The following ZBTB20 variants were observed in gnomAD, a reference collection of about 807,000 sequenced individuals.
ZBTB20 encodes zinc finger and BTB domain containing 20.
ZBTB20 carries 9 observed loss-of-function variants against 56.9 expected under a neutral mutation model. The observed-to-expected ratio is 0.16, with a 90% CI of 0.10 to 0.28. The LOEUF (loss-of-function observed/expected upper bound fraction) is 0.28. Among genes scored for constraint, ZBTB20 ranks in the 10% least tolerant of loss-of-function variants. ZBTB20 has a pLI of 1.00. For missense variants in ZBTB20, 655 were observed against 1,003.0 expected (o/e 0.65, Z 4.69); for synonymous variants, 417 against 420.7 (o/e 0.99, Z 0.11).
chr3:114,832,723 A>C (rs531965691), intron 4 of ZBTB20, among the ~76,000 whole-genome samples: 1 of 152,262 alleles, frequency 6.6e-6, no homozygotes, highest in South Asian at 2.1e-4. Flanking sequence ...TGATATTTCA[A>C]ATCTTAGATA....
rs200912033 is a variant in ZBTB20 at position 114,566,004 on chromosome 3, C to CT, written c.-294-65614dup. Reference sequence around the variant, plus strand: ...ATTACCAACAATACATACATTTTTTCTTTTTTTTTCTTTTTTTAAAAGAAA... The same window carrying CT: ...ATTACCAACAATACATACATTTTTTCTTTTTTTTTTCTTTTTTTAAAAGAAA... On this transcript the variant is annotated intron_variant, in intron 6 of 11. Coordinates refer to ENST00000675478, the MANE Select transcript of ZBTB20 (RefSeq NM_001348800.3). 4.6e-3 allele frequency among the ~76,000 whole-genome samples: 654 copies of CT among 143,204 alleles called. 1 individual carries two copies. The highest frequency in any genetic ancestry group is 0.014 in the African/African-American group (503 of 36,774). 93.9% of individuals were successfully genotyped at this position (143,204 alleles called of 152,430 possible). A position where few individuals can be genotyped will look rare whatever the true frequency, so the allele number is the denominator to read the frequency against.
intron 7 of ZBTB20, among the ~76,000 whole-genome samples, chr3:114,406,725 G>A (rs1559747966): frequency 2.0e-5 from 3 of 151,970 alleles, no homozygotes; most frequent in Non-Finnish European, 4.4e-5. Flanking sequence ...GGCTAGACAG[G>A]TTTGTAGAGT....
intron 4 of ZBTB20, among the ~76,000 whole-genome samples, chr3:114,866,720 T>C (rs1305945627): frequency 6.6e-6 from 1 of 152,162 alleles, no homozygotes; most frequent in East Asian, 1.9e-4. Context: ...CATTCCTTTT[T>C]TTTTCCTGTC....
intron 6 of ZBTB20, among the ~76,000 whole-genome samples, chr3:114,540,348 G>T (rs2048974566): frequency 6.6e-6 from 1 of 152,034 alleles, no homozygotes; most frequent in African/African-American, 2.4e-5. Context: ...TGAGAGGAAG[G>T]CATTACATCC....
At chr3:114,948,447 T>C (rs2076957331) in intron 3 of ZBTB20, among the ~76,000 whole-genome samples, 1 of 146,124 alleles carries the variant, frequency 6.8e-6, no homozygotes, top group Non-Finnish European at 1.5e-5. Context: ...CACTTATAAA[T>C]TAAAGTTATA....
chr3:114,682,404 T>C (rs1175043384), intron 6 of ZBTB20, among the ~76,000 whole-genome samples: 1 of 151,910 alleles, frequency 6.6e-6, no homozygotes, highest in Non-Finnish European at 1.5e-5. Flanking sequence ...AAAAGAAGAG[T>C]AGTACTCCTT....
At chr3:114,631,344 T>G (rs1273114819) in intron 6 of ZBTB20, among the ~76,000 whole-genome samples, 1 of 150,764 alleles carries the variant, frequency 6.6e-6, no homozygotes, top group Non-Finnish European at 1.5e-5. Context: ...TCTATGACAT[T>G]TTTGTGGAGG....
At chr3:114,559,913 C>T (rs2051786444) in intron 6 of ZBTB20, among the ~76,000 whole-genome samples, 1 of 152,048 alleles carries the variant, frequency 6.6e-6, no homozygotes. Context: ...TTGTAGCATT[C>T]TTAGCTTAAT....
intron 6 of ZBTB20, among the ~76,000 whole-genome samples, chr3:114,558,989 T>G (rs777600935): frequency 2.6e-5 from 4 of 152,174 alleles, no homozygotes; most frequent in African/African-American, 9.6e-5. Context: ...TCTCCTTACA[T>G]GCCATCCGTG....
intron 3 of ZBTB20, among the ~76,000 whole-genome samples, chr3:114,965,421 C>T (rs1289912232): frequency 6.6e-6 from 1 of 152,012 alleles, no homozygotes; most frequent in African/African-American, 2.4e-5. Flanking sequence ...AAATTTTGTA[C>T]CCCTTGACCA....
At chr3:114,931,618 G>A (rs1171955453) in intron 3 of ZBTB20, among the ~76,000 whole-genome samples, 17 of 152,076 alleles carry the variant, frequency 1.1e-4, no homozygotes, top group South Asian at 2.1e-4. Context: ...CATTATCTAC[G>A]AAGCATGGGG....
At chr3:114,953,520 T>G (rs987859760) in intron 3 of ZBTB20, among the ~76,000 whole-genome samples, 2 of 151,972 alleles carry the variant, frequency 1.3e-5, no homozygotes, top group Non-Finnish European at 2.9e-5. Flanking sequence ...AAGAAAAGTG[T>G]ACGTGCTGCA....
At chr3:114,896,791 C>G (rs550645905) in intron 4 of ZBTB20, among the ~76,000 whole-genome samples, 45 of 151,974 alleles carry the variant, frequency 3.0e-4, no homozygotes, top group African/African-American at 1.0e-3. Flanking sequence ...TTCCCAAATA[C>G]AAAAATTTGG....
intron 6 of ZBTB20, among the ~76,000 whole-genome samples, chr3:114,622,383 C>A (rs574071876): frequency 6.6e-6 from 1 of 152,044 alleles, no homozygotes; most frequent in Non-Finnish European, 1.5e-5. Context: ...AGTCCTAACA[C>A]GAGCTAACTA....
intron 2 of ZBTB20, among the ~76,000 whole-genome samples, chr3:114,975,840 C>G (rs2078077087): frequency 6.6e-6 from 1 of 152,218 alleles, no homozygotes; most frequent in African/African-American, 2.4e-5. Context: ...TATTACCTGT[C>G]TCTTCCTCTA....
intron 2 of ZBTB20, among the ~76,000 whole-genome samples, chr3:115,030,410 T>G (rs1216178504): frequency 6.6e-6 from 1 of 151,302 alleles, no homozygotes; most frequent in African/African-American, 2.4e-5. Flanking sequence ...TCTGTTTACA[T>G]GTATTACTCC....
At chr3:114,700,516 C>T (rs188589777) in intron 5 of ZBTB20, among the ~76,000 whole-genome samples, 2 of 152,204 alleles carry the variant, frequency 1.3e-5, no homozygotes, top group Admixed American at 6.6e-5. Flanking sequence ...AGACAGAGAG[C>T]AAAGGCTCAT....
intron 11 of ZBTB20, among the ~76,000 whole-genome samples, chr3:114,349,016 A>G (rs2080418498): frequency 6.6e-6 from 1 of 152,074 alleles, no homozygotes; most frequent in Non-Finnish European, 1.5e-5. Flanking sequence ...CTTAGGCAAC[A>G]TGGTAAGACC....
At chr3:114,543,569 C>G (rs1183340675) in intron 6 of ZBTB20, among the ~76,000 whole-genome samples, 1 of 152,124 alleles carries the variant, frequency 6.6e-6, no homozygotes, top group Non-Finnish European at 1.5e-5. Flanking sequence ...TTAACAACAA[C>G]TAGTAAATTG....
Sources: allele counts gnomAD v4.1 joint callset (sites outside exome capture counted in the v4.1 genomes callset), GRCh38; gene constraint gnomAD v4.1.1; transcripts MANE v1.5; gene names NCBI Gene and HGNC (gene_info 2026-07-23, HGNC 2026-07-21).